Variants in ZNF804B observed in about 807,000 individuals in gnomAD.
ZNF804B encodes the protein zinc finger 804B.
In ZNF804B, 80 loss-of-function variants were observed where a neutral mutation model predicts 101.4. The observed-to-expected ratio is 0.79, with a 90% CI of 0.66 to 0.95. The LOEUF is 0.95. Among genes scored for constraint, ZNF804B ranks in the 40% least tolerant of loss-of-function variants. ZNF804B has a pLI of 0.00. For missense variants in ZNF804B, 1,673 were observed against 1,561.9 expected, an observed-to-expected ratio of 1.07 and a Z score of -1.20; for synonymous variants, 622 against 558.8, an observed-to-expected ratio of 1.11 and a Z score of -1.59.
At chr7:88,795,051 C>CA (rs35996371) in intron 1 of ZNF804B, 17,188 of 726,638 alleles carry the variant, frequency 0.024, 13 homozygotes, top group Non-Finnish European at 0.028. Context: ...TTTCTTCTGA[C>CA]AAAAAAAAAA....
intron 2 of ZNF804B, among the ~76,000 whole-genome samples, chr7:89,320,977 A>G (rs1790809892): frequency 6.6e-6 from 1 of 152,176 alleles, no homozygotes; most frequent in Non-Finnish European, 1.5e-5. Flanking sequence ...CAGAGTAAAT[A>G]TGTTAGGAAA....
intron 2 of ZNF804B, among the ~76,000 whole-genome samples, chr7:89,299,583 C>T (rs1431539897): frequency 6.6e-6 from 1 of 152,006 alleles, no homozygotes; most frequent in Non-Finnish European, 1.5e-5. Context: ...ATATCCACAA[C>T]AACAACAACA....
chr7:89,064,656 G>A (rs1322028575), intron 1 of ZNF804B, among the ~76,000 whole-genome samples: 1 of 152,132 alleles, frequency 6.6e-6, no homozygotes, highest in Non-Finnish European at 1.5e-5. Context: ...CCCTTCTGGT[G>A]GGGCATGTCA....
chr7:89,138,389 C>T (rs1790668103), intron 1 of ZNF804B, among the ~76,000 whole-genome samples: 1 of 152,124 alleles, frequency 6.6e-6, no homozygotes, highest in Non-Finnish European at 1.5e-5. Flanking sequence ...TACGATGTGA[C>T]CGTTGTATCT....
intron 1 of ZNF804B, among the ~76,000 whole-genome samples, chr7:89,106,959 C>T (rs1403587146): frequency 6.6e-6 from 1 of 151,908 alleles, no homozygotes; most frequent in Admixed American, 6.6e-5. Flanking sequence ...ATGTGACTCA[C>T]AGAAATATTT....
intron 1 of ZNF804B, among the ~76,000 whole-genome samples, chr7:88,882,882 G>T (rs1317856192): frequency 6.6e-6 from 1 of 152,024 alleles, no homozygotes; most frequent in East Asian, 1.9e-4. Context: ...AAGGGGACAA[G>T]GGTTGAAAAA....
rs1701980025 is a variant in ZNF804B, at chr7:89,140,154, TC to T, written c.109-78000del. Among the ~76,000 whole-genome samples the T allele has an allele frequency of 3.9e-5, 6 of 152,052 alleles. No individual in the cohort carries two copies. In the South Asian group the frequency reaches 1.2e-3, roughly 31 times the overall value. Reference sequence around the variant, plus strand: ...ATGAGCAGAAATATTATGAAATAAATCTTTTTTCTGAGTAGAAAAAAAATCC... The same window carrying T: ...ATGAGCAGAAATATTATGAAATAAATTTTTTTCTGAGTAGAAAAAAAATCC... On this transcript the variant is annotated intron_variant, in intron 1 of 3. Coordinates refer to ENST00000333190, the MANE Select transcript of ZNF804B (RefSeq NM_181646.5).
At chr7:88,923,250 T>G (rs2116001663) in intron 1 of ZNF804B, among the ~76,000 whole-genome samples, 1 of 152,198 alleles carries the variant, frequency 6.6e-6, no homozygotes, top group South Asian at 2.1e-4. Flanking sequence ...GTAGCGTTGC[T>G]TTGGGGGTAT....
At chr7:89,174,348 ATTTGTT>A (rs1791285951) in intron 1 of ZNF804B, among the ~76,000 whole-genome samples, 1 of 151,932 alleles carries the variant, frequency 6.6e-6, no homozygotes, top group Admixed American at 6.6e-5. Flanking sequence ...AGCATGCAAA[ATTTGTT>A]TTTGTGTGCC....
At chr7:88,853,806 T>C (rs1345306242) in intron 1 of ZNF804B, among the ~76,000 whole-genome samples, 1 of 152,088 alleles carries the variant, frequency 6.6e-6, no homozygotes, top group Non-Finnish European at 1.5e-5. Context: ...GAACCATAGA[T>C]ATTAAGATGG....
At chr7:88,998,106 C>T (rs1788226883) in intron 1 of ZNF804B, among the ~76,000 whole-genome samples, 1 of 152,138 alleles carries the variant, frequency 6.6e-6, no homozygotes, top group Admixed American at 6.6e-5. Context: ...TTCTATCCTG[C>T]GTTGTATACT....
chr7:89,205,755 G>A (rs1478454888), intron 1 of ZNF804B, among the ~76,000 whole-genome samples: 1 of 152,178 alleles, frequency 6.6e-6, no homozygotes, highest in African/African-American at 2.4e-5. Context: ...GGCACACAGT[G>A]CAAGCTGTTG....
intron 1 of ZNF804B, among the ~76,000 whole-genome samples, chr7:89,202,462 T>C (rs1285727216): frequency 1.3e-5 from 2 of 152,132 alleles, no homozygotes; most frequent in Non-Finnish European, 2.9e-5. Context: ...CTCTAGGAGA[T>C]GGCTTGAAAC....
Position 89,111,933 on chromosome 7 carries a change from A to C in ZNF804B, c.109-106222A>C, listed in dbSNP as rs112020292. Among the ~76,000 whole-genome samples the C allele has an allele frequency of 9.9e-3, 1,501 of 152,094 alleles. 11 individuals carry two copies. The highest frequency in any genetic ancestry group is 0.015 in the Non-Finnish European group (991 of 67,988). On this transcript the variant is annotated intron_variant, in intron 1 of 3. Coordinates refer to ENST00000333190, the MANE Select transcript of ZNF804B (RefSeq NM_181646.5). ...AGTCTGGCCAATATGGTGAGACTCC[A>C]TCTCTACCAAAAACTAGAGAAATTA...
chr7:89,030,336 C>T (rs1788810928), intron 1 of ZNF804B, among the ~76,000 whole-genome samples: 1 of 152,112 alleles, frequency 6.6e-6, no homozygotes, highest in Non-Finnish European at 1.5e-5. Flanking sequence ...AATAAACGTC[C>T]TTGGATTCAT....
At chr7:88,848,533 T>C (rs1791407841) in intron 1 of ZNF804B, among the ~76,000 whole-genome samples, 1 of 152,014 alleles carries the variant, frequency 6.6e-6, no homozygotes, top group East Asian at 1.9e-4. Context: ...GAAACCTTTT[T>C]GCAGATGTAA....
chr7:89,093,268 G>C (rs1235820332), intron 1 of ZNF804B, among the ~76,000 whole-genome samples: 1 of 152,196 alleles, frequency 6.6e-6, no homozygotes, highest in Non-Finnish European at 1.5e-5. Context: ...ATCAATTAGA[G>C]TATAGTGCTG....
intron 1 of ZNF804B, among the ~76,000 whole-genome samples, chr7:88,901,013 T>C (rs182214943): frequency 3.8e-4 from 57 of 151,984 alleles, no homozygotes; most frequent in African/African-American, 1.3e-3. Context: ...AGCATTTATA[T>C]ACTCTATTTT....
chr7:89,327,427 A>G lies in ZNF804B; in HGVS notation c.333A>G (p.Ala111=), dbSNP rs1408266946. The G allele has an allele frequency of 1.9e-6, 3 of 1,611,588 alleles. No individual in the cohort carries two copies. The highest frequency in any genetic ancestry group is 1.7e-5 in the Admixed American group (1 of 59,766). Reference sequence around the variant, plus strand: ...AAGATGAGAAAAAACAAGAAAAAGCACTTAAACGACTTCATCAGCTGGCTG... The same window carrying G: ...AAGATGAGAAAAAACAAGAAAAAGCGCTTAAACGACTTCATCAGCTGGCTG... ...SWKDEKKQEK[A]LKRLHQLAEL... is the part of the protein sequence containing the mutation. Residue 111 remains alanine (A), a synonymous_variant, in exon 3 of 4, where the codon GCA becomes GCG. Transcript: ENST00000333190.
Sources: allele counts gnomAD v4.1 joint callset (sites outside exome capture counted in the v4.1 genomes callset), GRCh38; gene constraint gnomAD v4.1.1; transcripts MANE v1.5; gene names NCBI Gene and HGNC (gene_info 2026-07-23, HGNC 2026-07-21).